The following ITFG1 variants were observed in gnomAD, a reference collection of about 807,000 sequenced individuals.
ITFG1 encodes T-cell immunomodulatory protein.
ITFG1 carries 34 observed loss-of-function variants against 81.8 expected under a neutral mutation model. That is an observed-to-expected ratio of 0.42 (90% CI 0.32 to 0.55). The LOEUF (loss-of-function observed/expected upper bound fraction) is 0.55, where lower values mean the gene tolerates loss of function less well. Ranked by LOEUF, ITFG1 falls within the 20% of genes least tolerant of loss-of-function variation. The pLI is 0.17. For missense variants in ITFG1, 672 were observed against 755.4 expected, an observed-to-expected ratio of 0.89 and a Z score of 1.29; for synonymous variants, 285 against 270.6, an observed-to-expected ratio of 1.05 and a Z score of -0.52.
intron 8 of ITFG1, among the ~76,000 whole-genome samples, chr16:47,315,462 T>G (rs947818070): frequency 2.0e-5 from 3 of 152,140 alleles, no homozygotes; most frequent in African/African-American, 7.2e-5. Flanking sequence ...TGAAGAGCAT[T>G]ACCACGGCTT....
At chr16:47,327,223 G>A (rs1182663547) in intron 8 of ITFG1, among the ~76,000 whole-genome samples, 2 of 152,166 alleles carry the variant, frequency 1.3e-5, no homozygotes, top group Non-Finnish European at 2.9e-5. Context: ...AAGCAAAGGG[G>A]AAAGCATTCC....
At chr16:47,391,408 A>G (rs1469833053) in intron 6 of ITFG1, among the ~76,000 whole-genome samples, 2 of 152,210 alleles carry the variant, frequency 1.3e-5, no homozygotes, top group Non-Finnish European at 2.9e-5. Context: ...ACATTCAAAT[A>G]ACTTTCCTTT....
rs370357453 is a variant in ITFG1, at chr16:47,352,724, A to T, written c.802+13064T>A. On this transcript the variant is annotated intron_variant, in intron 8 of 17. Coordinates refer to ENST00000320640, the MANE Select transcript of ITFG1 (RefSeq NM_030790.5). ...CATTACTGGGTATATACCCAAAGGA[A>T]TATAAATCATGCTGCTATAAAGACA... Among the ~76,000 whole-genome samples the T allele has an allele frequency of 5.9e-5, 9 of 152,272 alleles. No homozygotes were observed. In the East Asian group the frequency reaches 9.7e-4, roughly 16 times the overall value.
rs753114784 is a variant in ITFG1 at position 47,409,697 on chromosome 16, G to A, written c.655+19107C>T. Among the ~76,000 whole-genome samples, 88 of 150,854 alleles carry A rather than the reference G, an allele frequency of 5.8e-4. 1 individual carries two copies. The highest frequency in any genetic ancestry group is 1.0e-3 in the Non-Finnish European group (69 of 67,804). On this transcript the variant is annotated intron_variant, in intron 6 of 17. Transcript: ENST00000320640. ...CTCCCAAAGTTCTGGGATTACAGGCGTGAGCCACTGCACCTGACCCCACAA... is the reference window on the plus strand; with the variant it reads ...CTCCCAAAGTTCTGGGATTACAGGCATGAGCCACTGCACCTGACCCCACAA...
intron 10 of ITFG1, 87 bp from the exon 11 acceptor site, chr16:47,260,782 C>A: frequency 2.3e-6 from 3 of 1,325,962 alleles, no homozygotes; most frequent in Non-Finnish European, 1.1e-6. Flanking sequence ...TAAAAGGAGA[C>A]GGTAAACGGT....
At chr16:47,421,297 CACACACACAT>C (rs964516102) in intron 6 of ITFG1, among the ~76,000 whole-genome samples, 4 of 148,736 alleles carry the variant, frequency 2.7e-5, no homozygotes, top group African/African-American at 7.8e-5. Flanking sequence ...CACACACACA[CACACACACAT>C]ACATATTTTT....
chr16:47,322,334 A>G (rs530754932), intron 8 of ITFG1, among the ~76,000 whole-genome samples: 6 of 152,334 alleles, frequency 3.9e-5, no homozygotes, highest in African/African-American at 1.4e-4. Flanking sequence ...TGTAAAAACA[A>G]TTATTAATTT....
intron 5 of ITFG1, among the ~76,000 whole-genome samples, chr16:47,444,551 T>C (rs1326342964): frequency 6.6e-6 from 1 of 152,158 alleles, no homozygotes; most frequent in African/African-American, 2.4e-5. Flanking sequence ...CATGTAAATT[T>C]ATATATTAGG....
chr16:47,368,706 CTGAAG>C (rs1415387495), intron 7 of ITFG1, among the ~76,000 whole-genome samples: 2 of 151,300 alleles, frequency 1.3e-5, no homozygotes, highest in African/African-American at 4.9e-5. Flanking sequence ...AATATACTAA[CTGAAG>C]TGAACAGATT....
rs1452442133 is a variant in ITFG1 at position 47,155,595 on chromosome 16, C to A, written c.*124G>T. ...AAACCATATTTATTTGAATACTTTC[C>A]AATAATTACCATGGGATACATCATT... is the stretch of plus-strand genomic sequence containing the variant. On this transcript the variant is annotated 3_prime_UTR_variant, in exon 18 of 18. Transcript: ENST00000320640. The A allele has an allele frequency of 1.1e-5, 7 of 659,464 alleles. No individual in the cohort carries two copies. The allele number at this position is 659,464 out of a possible 1,614,324, so 40.9% of individuals were successfully genotyped here. A position where few individuals can be genotyped will look rare whatever the true frequency, so the allele number is the denominator to read the frequency against.
intron 6 of ITFG1, among the ~76,000 whole-genome samples, chr16:47,419,935 CT>C (rs1167957872): frequency 6.6e-6 from 1 of 151,264 alleles, no homozygotes; most frequent in Non-Finnish European, 1.5e-5. Context: ...ACTCTTTCAC[CT>C]TTTTTTCTTT....
At chr16:47,169,064 A>G (rs1275483363) in intron 14 of ITFG1, among the ~76,000 whole-genome samples, 1 of 152,192 alleles carries the variant, frequency 6.6e-6, no homozygotes, top group Non-Finnish European at 1.5e-5. Context: ...TGGGCTCTCA[A>G]TTCTATTCCA....
At chr16:47,236,939 A>G (rs560502848) in intron 13 of ITFG1, among the ~76,000 whole-genome samples, 1 of 152,334 alleles carries the variant, frequency 6.6e-6, no homozygotes, top group Admixed American at 6.5e-5. Context: ...GCTGCCTCAT[A>G]TAAACGTTAA....
At chr16:47,199,253 C>T (rs999277684) in intron 14 of ITFG1, among the ~76,000 whole-genome samples, 10 of 122,768 alleles carry the variant, frequency 8.1e-5, no homozygotes, top group Middle Eastern at 4.0e-3. Context: ...GGCAACAAAG[C>T]GAGACTCCAA....
chr16:47,181,918 C>A (rs1294219490), intron 14 of ITFG1, among the ~76,000 whole-genome samples: 5 of 152,102 alleles, frequency 3.3e-5, no homozygotes, highest in African/African-American at 1.2e-4. Flanking sequence ...TGTGCTGTGT[C>A]CACTCAGGTT....
At chr16:47,220,816 G>A (rs1198136973) in intron 13 of ITFG1, among the ~76,000 whole-genome samples, 3 of 151,932 alleles carry the variant, frequency 2.0e-5, no homozygotes, top group South Asian at 2.1e-4. Flanking sequence ...GAATGGTAAG[G>A]ACCTCAAAAA....
chr16:47,336,944 C>G (rs1465955063), intron 8 of ITFG1, among the ~76,000 whole-genome samples: 12 of 144,898 alleles, frequency 8.3e-5, no homozygotes, highest in Admixed American at 7.0e-5. Context: ...GCTTTTGGGA[C>G]ACAGCGAGAC....
intron 8 of ITFG1, among the ~76,000 whole-genome samples, chr16:47,347,018 G>T (rs540856272): frequency 3.3e-5 from 5 of 152,162 alleles, no homozygotes; most frequent in Non-Finnish European, 7.4e-5. Flanking sequence ...ACAAAACACT[G>T]GCAAACCAAA....
intron 10 of ITFG1, among the ~76,000 whole-genome samples, chr16:47,273,954 T>A (rs1966370548): frequency 6.6e-6 from 1 of 152,114 alleles, no homozygotes; most frequent in Admixed American, 6.6e-5. Context: ...CTTTAATAAC[T>A]ATGAGATACA....
Sources: gnomAD v4.1 joint callset for allele counts (sites outside exome capture counted in the v4.1 genomes callset) on GRCh38, gnomAD v4.1.1 for gene constraint, MANE v1.5 for transcripts, NCBI Gene and HGNC (gene_info 2026-07-23, HGNC 2026-07-21) for gene names.